Variants in EPHA7 observed in about 807,000 individuals in gnomAD.
The protein encoded by EPHA7 is EPH receptor A7, also known as ephrin type-A receptor 7.
EPHA7 carries 25 observed loss-of-function variants against 112.6 expected under a neutral mutation model. That is an observed-to-expected ratio of 0.22 (90% CI 0.16 to 0.31). The LOEUF (loss-of-function observed/expected upper bound fraction) is 0.31. Among genes scored for constraint, EPHA7 ranks in the 10% least tolerant of loss-of-function variants. EPHA7 has a pLI of 1.00. For synonymous variants in EPHA7, 437 were observed against 406.5 expected (o/e 1.07, Z -0.90); for missense variants, 962 against 1,212.6 (o/e 0.79, Z 3.07).
At chr6:93,336,033 A>ATT (rs1306642421) in intron 5 of EPHA7, among the ~76,000 whole-genome samples, 1 of 152,162 alleles carries the variant, frequency 6.6e-6, no homozygotes, top group Non-Finnish European at 1.5e-5. Context: ...ATAATGTTTC[A>ATT]TTATAATTGA....
chr6:93,259,621 T>TGAAGTAGTCTGTTA, intron 9 of EPHA7, 142 bp from the exon 10 acceptor site: 5 of 919,588 alleles, frequency 5.4e-6, no homozygotes, highest in Non-Finnish European at 6.7e-6. Flanking sequence ...TTTAACAGAC[T>TGAAGTAGTCTGTTA]ACTTCAGTCT....
intron 3 of EPHA7, among the ~76,000 whole-genome samples, chr6:93,364,979 A>T (rs1202646185): frequency 1.3e-5 from 2 of 152,176 alleles, no homozygotes; most frequent in East Asian, 3.9e-4. Flanking sequence ...TTGTGATTGA[A>T]TTTCTGAATA....
chr6:93,266,300 C>T (rs1200940442), intron 7 of EPHA7, among the ~76,000 whole-genome samples: 3 of 151,474 alleles, frequency 2.0e-5, no homozygotes, highest in African/African-American at 7.3e-5. Context: ...AAATTCTTTC[C>T]ATTCAACCGA....
intron 9 of EPHA7, among the ~76,000 whole-genome samples, chr6:93,261,115 CT>C (rs1728678272): frequency 6.6e-6 from 1 of 151,540 alleles, no homozygotes; most frequent in African/African-American, 2.4e-5. Context: ...ACATGAAATA[CT>C]GCCCAGCTTG....
At chr6:93,398,784 T>A (rs972233416) in intron 3 of EPHA7, among the ~76,000 whole-genome samples, 1 of 152,052 alleles carries the variant, frequency 6.6e-6, no homozygotes, top group Non-Finnish European at 1.5e-5. Context: ...AGGGAAATGA[T>A]CCAATTGTTA....
chr6:93,247,116 T>C, intron 14 of EPHA7, 131 bp from the exon 15 acceptor site: 3 of 770,180 alleles, frequency 3.9e-6, no homozygotes, highest in East Asian at 2.7e-5. Context: ...CTTACTTTTT[T>C]CCCAAAATTT....
chr6:93,328,186 C>T (rs1250258930), intron 5 of EPHA7, among the ~76,000 whole-genome samples: 1 of 151,478 alleles, frequency 6.6e-6, no homozygotes, highest in African/African-American at 2.4e-5. Flanking sequence ...TCCAATAAAG[C>T]CTTTCCTGGA....
intron 9 of EPHA7, among the ~76,000 whole-genome samples, chr6:93,262,552 C>G (rs1356073393): frequency 1.3e-5 from 2 of 151,336 alleles, no homozygotes; most frequent in Admixed American, 6.6e-5. Flanking sequence ...AAGTAAGAGG[C>G]CTTGAATATT....
At position 93,243,364 on chromosome 6, in the gene EPHA7, T is replaced by TA. The variant is rs1208051318; in HGVS notation, c.*61dup. On this transcript the variant is annotated 3_prime_UTR_variant, in exon 17 of 17. Transcript: ENST00000369303. Reference sequence around the variant, plus strand: ...GTCTTCTAGCAGCATTCTATGCATATACTGAAGGCCAGTACTGTTCTCTTG... The same window carrying TA: ...GTCTTCTAGCAGCATTCTATGCATATAACTGAAGGCCAGTACTGTTCTCTTG... The TA allele has an allele frequency of 8.0e-7, 1 of 1,245,734 alleles. No homozygotes were observed. Among genetic ancestry groups the TA allele is most frequent in the Non-Finnish European group, 1.2e-6 (1 of 851,356 alleles). 77.2% of individuals were successfully genotyped at this position (1,245,734 alleles called of 1,614,324 possible).
chr6:93,419,150 G>C lies in EPHA7; in HGVS notation c.97+95C>G. 3 of 1,022,522 alleles carry C rather than the reference G, an allele frequency of 2.9e-6. No homozygotes were observed. The South Asian group carries it at 6.0e-5, about 20-fold the overall frequency. The allele number at this position is 1,022,522 out of a possible 1,614,324, so 63.3% of individuals were successfully genotyped here. ...GGCGGGGGAGGGTCGCCCGGCGCCG[G>C]AGGCGCGGCCGGCAGCGCCGCGGAC... On this transcript the variant is annotated intron_variant, in intron 1 of 16. Coordinates refer to ENST00000369303, the MANE Select transcript of EPHA7 (RefSeq NM_004440.4).
chr6:93,339,866 T>G (rs1405745697), intron 5 of EPHA7, among the ~76,000 whole-genome samples: 1 of 151,794 alleles, frequency 6.6e-6, no homozygotes, highest in Non-Finnish European at 1.5e-5. Context: ...TCCTAAATAC[T>G]AAACTGGACC....
chr6:93,408,696 G>A (rs1017176717), intron 3 of EPHA7, among the ~76,000 whole-genome samples: 2 of 152,082 alleles, frequency 1.3e-5, no homozygotes, highest in Non-Finnish European at 1.5e-5. Context: ...CAGAGCCATA[G>A]GTACTTTACA....
At chr6:93,401,818 G>C (rs1293621647) in intron 3 of EPHA7, among the ~76,000 whole-genome samples, 5 of 151,870 alleles carry the variant, frequency 3.3e-5, no homozygotes, top group African/African-American at 1.2e-4. Context: ...TATGGACATA[G>C]AGAAAAATAT....
chr6:93,255,814 TG>T lies in EPHA7; in HGVS notation c.2382+13del, dbSNP rs774152684. On this transcript the variant is annotated intron_variant, in intron 13 of 16. Transcript: ENST00000369303. The stretch of plus-strand genomic sequence containing the variant: ...TAAGAATATGAAGAAGTGCAGTAAA[TG>T]ACTTTTTCTTACAGTAGTTGTATAG... The T allele has an allele frequency of 5.6e-6, 9 of 1,604,308 alleles. No homozygotes were observed. The South Asian group carries it at 9.9e-5, about 18-fold the overall frequency.
intron 5 of EPHA7, among the ~76,000 whole-genome samples, 183 bp from the exon 6 acceptor site, chr6:93,272,605 C>T (rs955959815): frequency 2.6e-5 from 4 of 151,758 alleles, no homozygotes; most frequent in African/African-American, 9.7e-5. Context: ...GTTCATAAAC[C>T]TTAATAGAAA....
intron 1 of EPHA7, 97 bp downstream of exon 1, chr6:93,419,148 C>T (rs983538388): frequency 1.0e-6 from 1 of 999,396 alleles, no homozygotes; most frequent in East Asian, 3.0e-5. Flanking sequence ...CGCCCGGCGC[C>T]GGAGGCGCGG....
chr6:93,290,416 AT>A (rs1161734446), intron 5 of EPHA7, among the ~76,000 whole-genome samples: 2 of 152,162 alleles, frequency 1.3e-5, no homozygotes, highest in Non-Finnish European at 2.9e-5. Flanking sequence ...ATTGTACAAG[AT>A]TGATAAGGTT....
chr6:93,274,792 C>T (rs970595973), intron 5 of EPHA7, among the ~76,000 whole-genome samples: 1 of 151,766 alleles, frequency 6.6e-6, no homozygotes, highest in African/African-American at 2.4e-5. Flanking sequence ...GTACAGGAAA[C>T]GTGATTATAT....
chr6:93,264,839 TTAAA>T (rs1770854790), intron 7 of EPHA7, 137 bp from the exon 8 acceptor site: 1 of 430,554 alleles, frequency 2.3e-6, no homozygotes, highest in Non-Finnish European at 4.1e-6. Flanking sequence ...CAAAGTAAAT[TTAAA>T]TAAATGTTTA....
Sources: gnomAD v4.1 joint callset for allele counts (sites outside exome capture counted in the v4.1 genomes callset) on GRCh38, gnomAD v4.1.1 for gene constraint, MANE v1.5 for transcripts, NCBI Gene and HGNC (gene_info 2026-07-23, HGNC 2026-07-21) for gene names.